Variants in MAST4 observed in about 807,000 individuals in gnomAD.
MAST4 encodes the protein microtubule associated serine/threonine kinase family member 4.
A neutral mutation model predicts 162.7 loss-of-function variants in MAST4; 89 were observed. The observed-to-expected ratio is 0.55, with a 90% CI of 0.46 to 0.65. MAST4 has a LOEUF of 0.65. MAST4 is among the 30% of genes least tolerant of loss of function. The probability of loss-of-function intolerance (pLI) is 0.00; values close to 1 mark genes in which losing one functional copy is unlikely to be tolerated. For missense variants in MAST4, 3,153 were observed against 3,374.0 expected (o/e 0.93, Z 1.62); for synonymous variants, 1,479 against 1,361.1 (o/e 1.09, Z -1.91).
rs116300755 is a variant in MAST4, at chr5:66,824,650, G to A, written c.642+35856G>A. Among the ~76,000 whole-genome samples, 903 of 152,328 alleles carry A rather than the reference G, an allele frequency of 5.9e-3. 7 individuals carry two copies. Among genetic ancestry groups the A allele is most frequent in the African/African-American group, 0.021 (867 of 41,572 alleles). ...AACTTATTTCTAAGTACAGTCATGC[G>A]TCACTTAACAAGGACATGTTCTGAG... On this transcript the variant is annotated intron_variant, in intron 3 of 28. Coordinates refer to ENST00000403625, the MANE Select transcript of MAST4 (RefSeq NM_001164664.2).
chr5:66,712,799 G>C (rs1217691420), intron 1 of MAST4, among the ~76,000 whole-genome samples: 1 of 152,096 alleles, frequency 6.6e-6, no homozygotes, highest in African/African-American at 2.4e-5. Context: ...ACTCCACAAA[G>C]ACCTATCTAT....
At chr5:66,908,580 C>A (rs1297384834) in intron 4 of MAST4, among the ~76,000 whole-genome samples, 1 of 151,934 alleles carries the variant, frequency 6.6e-6, no homozygotes, top group Non-Finnish European at 1.5e-5. Flanking sequence ...AAAGCAGGGG[C>A]AGAAGTTCCC....
Position 66,596,721 on chromosome 5 carries a change from G to A in MAST4, c.66G>A (p.Arg22=), listed in dbSNP as rs1483445983. The A allele has an allele frequency of 1.3e-5, 19 of 1,434,952 alleles. No individual in the cohort carries two copies. Among genetic ancestry groups the A allele is most frequent in the Non-Finnish European group, 1.7e-5 (19 of 1,094,958 alleles). 88.9% of individuals were successfully genotyped at this position (1,434,952 alleles called of 1,614,324 possible). ...VPRGCSGHGS[R]TPASALVAAS... ...GCGGCTGCAGTGGCCACGGCAGCCG[G>A]ACTCCAGCCTCTGCGCTGGTCGCCG... Residue 22 remains arginine (R), a synonymous_variant, in exon 1 of 29, where the codon CGG becomes CGA. Coordinates refer to ENST00000403625, the MANE Select transcript of MAST4 (RefSeq NM_001164664.2).
At chr5:66,867,124 G>C (rs117003244) in intron 3 of MAST4, among the ~76,000 whole-genome samples, 2 of 152,192 alleles carry the variant, frequency 1.3e-5, no homozygotes, top group East Asian at 3.9e-4. Flanking sequence ...TATATGCTCC[G>C]ATATATGATT....
intron 24 of MAST4, among the ~76,000 whole-genome samples, chr5:67,151,767 CTT>C (rs1163541260): frequency 0.065 from 7,514 of 115,068 alleles, 113 homozygotes; most frequent in African/African-American, 0.11. Context: ...TTCTTTTTTT[CTT>C]TTTTTTTTTT....
In MAST4 at chr5:66,927,971, C is replaced by T. The variant is rs533154387; in HGVS notation, c.674+27989C>T. On this transcript the variant is annotated intron_variant, in intron 4 of 28. Transcript: ENST00000403625. ...GCATCATCTCCATCTCTGCTTTTAT[C>T]TTTACATGACATTTCTCTGGTCTGT... is the stretch of plus-strand genomic sequence containing the variant. Among the ~76,000 whole-genome samples the T allele has an allele frequency of 1.1e-3, 167 of 152,264 alleles. 1 individual carries two copies. The highest frequency in any genetic ancestry group is 3.9e-3 in the African/African-American group (163 of 41,546).
chr5:66,837,286 CATT>C (rs1473516366), intron 3 of MAST4, among the ~76,000 whole-genome samples: 3 of 152,150 alleles, frequency 2.0e-5, no homozygotes, highest in Non-Finnish European at 4.4e-5. Flanking sequence ...TTTTCTTCAT[CATT>C]ATCATCTAAA....
intron 3 of MAST4, among the ~76,000 whole-genome samples, chr5:66,800,009 C>T (rs912225246): frequency 6.6e-6 from 1 of 152,180 alleles, no homozygotes. Context: ...TTATTGTCAT[C>T]TTGGACAAGA....
chr5:66,784,475 A>T (rs781590266), intron 2 of MAST4, among the ~76,000 whole-genome samples: 9 of 152,204 alleles, frequency 5.9e-5, no homozygotes, highest in Non-Finnish European at 7.3e-5. Flanking sequence ...TTCTAAGTTG[A>T]AGTAGCAAAC....
At chr5:66,916,597 C>T (rs893246409) in intron 4 of MAST4, among the ~76,000 whole-genome samples, 3 of 152,166 alleles carry the variant, frequency 2.0e-5, no homozygotes, top group Non-Finnish European at 4.4e-5. Context: ...CTATCCACAA[C>T]CTTAGGTAGT....
chr5:66,599,660 G>GTTATTTTATA (rs1409156589), intron 1 of MAST4, among the ~76,000 whole-genome samples: 1 of 152,144 alleles, frequency 6.6e-6, no homozygotes, highest in Non-Finnish European at 1.5e-5. Context: ...TTTTATTGCT[G>GTTATTTTATA]CATAACTTAT....
intron 1 of MAST4, among the ~76,000 whole-genome samples, chr5:66,687,575 T>C: frequency 6.6e-6 from 1 of 151,246 alleles, no homozygotes; most frequent in East Asian, 1.9e-4. Context: ...TATACACATG[T>C]ATATGTGTAT....
In MAST4 at chr5:67,123,968, A is replaced by G. The variant is rs190148837; in HGVS notation, c.1745+2866A>G. Among the ~76,000 whole-genome samples the G allele has an allele frequency of 2.8e-3, 422 of 152,228 alleles. 9 individuals carry two copies. Among genetic ancestry groups the G allele is most frequent in the Admixed American group, 0.023 (356 of 15,284 alleles). On this transcript the variant is annotated intron_variant, in intron 14 of 28. Transcript: ENST00000403625. ...GGCACACACACACCCTCCTTCCCACATGGAGATTTGCTAGCACGGAGTCAC... is the reference window on the plus strand; with the variant it reads ...GGCACACACACACCCTCCTTCCCACGTGGAGATTTGCTAGCACGGAGTCAC...
chr5:66,878,979 T>C (rs1361991030), intron 3 of MAST4, among the ~76,000 whole-genome samples: 1 of 152,184 alleles, frequency 6.6e-6, no homozygotes, highest in African/African-American at 2.4e-5. Context: ...TCAACTACCC[T>C]TATAAGAAAA....
At position 67,167,516 on chromosome 5, in the gene MAST4, A is replaced by G. The variant is rs1774192370; in HGVS notation, c.*465A>G. ...AACAGAGATACACCCATATTCGTGT[A>G]TATACACATCCACCTACATGTTTTG... On this transcript the variant is annotated 3_prime_UTR_variant, in exon 29 of 29. Transcript: ENST00000403625. 2 of 152,782 alleles carry G rather than the reference A, an allele frequency of 1.3e-5. No individual in the cohort carries two copies. Among genetic ancestry groups the G allele is most frequent in the South Asian group, 4.1e-4 (2 of 4,842 alleles). The allele number at this position is 152,782 out of a possible 1,614,324, so 9.5% of individuals were successfully genotyped here.
intron 1 of MAST4, among the ~76,000 whole-genome samples, chr5:66,716,816 A>G (rs893953265): frequency 4.6e-5 from 7 of 152,204 alleles, no homozygotes; most frequent in African/African-American, 1.7e-4. Flanking sequence ...TGACTACATT[A>G]ACCATTGTAG....
intron 1 of MAST4, among the ~76,000 whole-genome samples, chr5:66,740,825 G>A (rs993305597): frequency 4.6e-5 from 7 of 152,178 alleles, no homozygotes; most frequent in Admixed American, 6.5e-5. Flanking sequence ...AAACAGTTCC[G>A]GAATGGCTTG....
intron 5 of MAST4, among the ~76,000 whole-genome samples, chr5:67,077,291 AC>A (rs1561618059): frequency 6.6e-6 from 1 of 151,214 alleles, no homozygotes; most frequent in East Asian, 1.9e-4. Flanking sequence ...ATTGCCCTCC[AC>A]CTCCCTCCCC....
chr5:66,966,625 G>A (rs954683838), intron 4 of MAST4, among the ~76,000 whole-genome samples: 2 of 152,100 alleles, frequency 1.3e-5, no homozygotes, highest in African/African-American at 4.8e-5. Flanking sequence ...ACCTGAAGGT[G>A]GCACACATCA....
Sources: allele counts gnomAD v4.1 joint callset (sites outside exome capture counted in the v4.1 genomes callset), GRCh38; gene constraint gnomAD v4.1.1; transcripts MANE v1.5; gene names NCBI Gene and HGNC (gene_info 2026-07-23, HGNC 2026-07-21).